The following TBC1D32 variants were observed in gnomAD, a reference collection of about 807,000 sequenced individuals.
TBC1D32 encodes protein broad-minded.
TBC1D32 carries 151 observed loss-of-function variants against 170.3 expected under a neutral mutation model. That is an observed-to-expected ratio of 0.89 (90% confidence interval 0.78 to 1.01). The LOEUF is 1.01. Among genes scored for constraint, TBC1D32 ranks in the 50% least tolerant of loss-of-function variants. The pLI, the probability that TBC1D32 is intolerant of heterozygous loss-of-function variation, is 0.00. For missense variants in TBC1D32, 1,464 were observed against 1,457.1 expected, an observed-to-expected ratio of 1.00 and a Z score of -0.08; for synonymous variants, 498 against 488.0, an observed-to-expected ratio of 1.02 and a Z score of -0.27.
chr6:121,086,782 G>A (rs1776306165), intron 31 of TBC1D32, among the ~76,000 whole-genome samples: 2 of 152,096 alleles, frequency 1.3e-5, no homozygotes, highest in Admixed American at 1.3e-4. Context: ...GCATGTTAGA[G>A]AAGAATACAA....
intron 1 of TBC1D32, among the ~76,000 whole-genome samples, chr6:121,327,609 G>A: frequency 6.6e-6 from 1 of 152,168 alleles, no homozygotes; most frequent in East Asian, 1.9e-4. Context: ...AGGAAAGCAA[G>A]CCATGTATGA....
chr6:121,227,428 G>C (rs1296998166), intron 20 of TBC1D32, among the ~76,000 whole-genome samples: 2 of 151,982 alleles, frequency 1.3e-5, no homozygotes, highest in African/African-American at 4.8e-5. Flanking sequence ...CAAATTTAGA[G>C]TCAATATTTT....
intron 22 of TBC1D32, among the ~76,000 whole-genome samples, chr6:121,187,016 T>G (rs1789293809): frequency 6.6e-6 from 1 of 152,172 alleles, no homozygotes; most frequent in East Asian, 1.9e-4. Context: ...ATAACAATCT[T>G]GGGATAAATT....
intron 24 of TBC1D32, among the ~76,000 whole-genome samples, chr6:121,157,381 G>T (rs1211862820): frequency 1.3e-5 from 2 of 151,938 alleles, no homozygotes; most frequent in African/African-American, 4.8e-5. Context: ...GCATCCCTTT[G>T]AGCCTGTGAG....
intron 20 of TBC1D32, among the ~76,000 whole-genome samples, chr6:121,228,925 T>C (rs1388204074): frequency 6.6e-6 from 1 of 152,166 alleles, no homozygotes; most frequent in African/African-American, 2.4e-5. Flanking sequence ...ATTAGGATCA[T>C]ACTGATTTAT....
intron 15 of TBC1D32, among the ~76,000 whole-genome samples, chr6:121,277,761 A>C (rs1488504229): frequency 6.6e-6 from 1 of 151,816 alleles, no homozygotes; most frequent in Admixed American, 6.6e-5. Flanking sequence ...ATAAAAAATT[A>C]GAAGAGAAAT....
chr6:121,321,531 G>C (rs1224333282), intron 2 of TBC1D32, 102 bp downstream of exon 2: 2 of 1,097,332 alleles, frequency 1.8e-6, no homozygotes, highest in South Asian at 3.6e-5. Flanking sequence ...AATCATTCTG[G>C]CTGCTATGAG....
At chr6:121,202,635 G>C (rs1791735354) in intron 22 of TBC1D32, among the ~76,000 whole-genome samples, 1 of 151,176 alleles carries the variant, frequency 6.6e-6, no homozygotes, top group South Asian at 2.1e-4. Flanking sequence ...ATATTTCTTT[G>C]GGTGGTTTGT....
At chr6:121,178,207 G>A (rs1425493031) in intron 22 of TBC1D32, among the ~76,000 whole-genome samples, 1 of 151,998 alleles carries the variant, frequency 6.6e-6, no homozygotes, top group East Asian at 1.9e-4. Context: ...TTGACACGTG[G>A]GGATTATTAC....
chr6:121,274,316 G>A (rs1801936623), intron 15 of TBC1D32, among the ~76,000 whole-genome samples: 1 of 151,414 alleles, frequency 6.6e-6, no homozygotes, highest in African/African-American at 2.4e-5. Context: ...CTGGGCGACA[G>A]AGTCATGAGA....
chr6:121,179,276 C>CAT (rs1005457737), intron 22 of TBC1D32, among the ~76,000 whole-genome samples: 25 of 148,148 alleles, frequency 1.7e-4, no homozygotes, highest in East Asian at 9.8e-4. Context: ...AAGACAAAAA[C>CAT]ATATATATAT....
chr6:121,151,884 C>T (rs892377903), intron 24 of TBC1D32, among the ~76,000 whole-genome samples: 4 of 152,098 alleles, frequency 2.6e-5, no homozygotes, highest in African/African-American at 9.7e-5. Flanking sequence ...TTATTTTGAG[C>T]CTATGTGTGT....
At chr6:121,132,971 G>A (rs1325168155) in intron 24 of TBC1D32, among the ~76,000 whole-genome samples, 1 of 151,942 alleles carries the variant, frequency 6.6e-6, no homozygotes, top group East Asian at 1.9e-4. Context: ...TAAAATGGGA[G>A]AACCAGTAGC....
chr6:121,268,092 A>C (rs1800798192), intron 15 of TBC1D32, among the ~76,000 whole-genome samples: 1 of 152,066 alleles, frequency 6.6e-6, no homozygotes, highest in African/African-American at 2.4e-5. Flanking sequence ...TCCACACCAA[A>C]ACCCCATCTG....
chr6:121,184,091 A>T (rs1373564405), intron 22 of TBC1D32, among the ~76,000 whole-genome samples: 3 of 152,110 alleles, frequency 2.0e-5, no homozygotes, highest in Non-Finnish European at 4.4e-5. Flanking sequence ...AGTCTCTATG[A>T]CTGGGAAGAT....
chr6:121,112,930 A>G lies in TBC1D32; in HGVS notation c.3169+132T>C, dbSNP rs1779332048. 7.2e-6 allele frequency: 5 copies of G among 690,606 alleles called. No individual in the cohort carries two copies. In the South Asian group the frequency reaches 1.2e-4, roughly 17 times the overall value. 42.8% of individuals were successfully genotyped at this position (690,606 alleles called of 1,614,324 possible). Reference sequence around the variant, plus strand: ...AAATACAGAATAAAATACTGTAAGAATATATCATAACAAATCACTAATATA... The same window carrying G: ...AAATACAGAATAAAATACTGTAAGAGTATATCATAACAAATCACTAATATA... On this transcript the variant is annotated intron_variant, in intron 28 of 31. Transcript: ENST00000398212.
chr6:121,123,029 T>G (rs1186629800), intron 26 of TBC1D32, among the ~76,000 whole-genome samples: 1 of 152,040 alleles, frequency 6.6e-6, no homozygotes, highest in Non-Finnish European at 1.5e-5. Context: ...CTGAGAGCAG[T>G]GTAAAGAGCA....
In TBC1D32 at chr6:121,304,418, A is replaced by G; in HGVS notation, c.882T>C (p.Leu294=). The G allele has an allele frequency of 6.2e-7, 1 of 1,613,484 alleles. No homozygotes were observed. Among genetic ancestry groups the G allele is most frequent in the Non-Finnish European group, 8.5e-7 (1 of 1,179,644 alleles). Residue 294 remains leucine, a synonymous_variant, in exon 8 of 32, where the codon CTT becomes CTC. Transcript: ENST00000398212. ...GAGCTTCTTTCTGATATTCATTTAG[A>G]AGACGAACCTACAAAGCAGTGCACA... is the stretch of plus-strand genomic sequence containing the variant. ...NMTRLLKKVR[L]LNEYQKEAPS...
chr6:121,296,218 T>C (rs1805619325), intron 10 of TBC1D32, among the ~76,000 whole-genome samples: 1 of 152,174 alleles, frequency 6.6e-6, no homozygotes, highest in African/African-American at 2.4e-5. Context: ...CTTCCATACT[T>C]CACTCAATGA....
Sources: gnomAD v4.1 joint callset for allele counts (sites outside exome capture counted in the v4.1 genomes callset) on GRCh38, gnomAD v4.1.1 for gene constraint, MANE v1.5 for transcripts, NCBI Gene and HGNC (gene_info 2026-07-23, HGNC 2026-07-21) for gene names.